The following DROSHA variants were observed in gnomAD, a reference collection of about 807,000 sequenced individuals.
DROSHA encodes the protein drosha ribonuclease III.
DROSHA carries 56 observed loss-of-function variants against 181.9 expected under a neutral mutation model. The observed-to-expected ratio is 0.31, with a 90% confidence interval of 0.25 to 0.38. DROSHA has a LOEUF of 0.38. Among genes scored for constraint, DROSHA ranks in the 10% least tolerant of loss-of-function variants. The pLI, the probability that DROSHA is intolerant of heterozygous loss-of-function variation, is 1.00. For synonymous variants in DROSHA, 524 were observed against 591.2 expected (o/e 0.89, Z 1.65); for missense variants, 1,218 against 1,743.5 (o/e 0.70, Z 5.37).
rs184690869 is a variant in DROSHA, at chr5:31,423,498, G to A, written c.3262-554C>T. ...CTAGGGACCAACTTATTTTGGCAAT[G>A]AGCATCATTAAAACAGAGTTCAATG... On this transcript the variant is annotated intron_variant, in intron 28 of 35. Coordinates refer to ENST00000344624, the MANE Select transcript of DROSHA (RefSeq NM_001382508.1). 4.6e-5 allele frequency among the ~76,000 whole-genome samples: 7 copies of A among 152,302 alleles called. No homozygotes were observed. In the East Asian group the frequency reaches 1.2e-3, roughly 25 times the overall value.
At chr5:31,501,557 G>A (rs1186000567) in intron 11 of DROSHA, among the ~76,000 whole-genome samples, 1 of 152,036 alleles carries the variant, frequency 6.6e-6, no homozygotes, top group East Asian at 1.9e-4. Context: ...AGGATATAGG[G>A]GAGATGGTAC....
Position 31,409,389 on chromosome 5 carries a change from A to C in DROSHA, c.3668-57T>G. The C allele has an allele frequency of 6.6e-7, 1 of 1,524,042 alleles. No individual in the cohort carries two copies. 94.4% of individuals were successfully genotyped at this position (1,524,042 alleles called of 1,614,324 possible). Reference sequence around the variant, plus strand: ...ACAATCACTGCCATCTATCAGAAAGAGTAAGAGACCTAGACCTTTAAGCAA... The same window carrying C: ...ACAATCACTGCCATCTATCAGAAAGCGTAAGAGACCTAGACCTTTAAGCAA... On this transcript the variant is annotated intron_variant, in intron 31 of 35. Coordinates refer to ENST00000344624, the MANE Select transcript of DROSHA (RefSeq NM_001382508.1). This position sits in a 1 kb window ranked among gnomAD's most constrained non-coding sequence, Gnocchi z 4.0.
chr5:31,519,308 C>T lies in DROSHA; in HGVS notation c.947+1815G>A, dbSNP rs1384923074. Among the ~76,000 whole-genome samples the T allele has an allele frequency of 2.0e-5, 3 of 152,086 alleles. 1 individual carries two copies. Among genetic ancestry groups the T allele is most frequent in the Non-Finnish European group, 4.4e-5 (3 of 68,006 alleles). ...TACTCTGGCTTTTCTCCTGTCTCCT[C>T]TCCTCCTCCTCAGGCCCTCTTGTCA... On this transcript the variant is annotated intron_variant, in intron 6 of 35. Transcript: ENST00000344624.
chr5:31,450,679 G>GTT (rs1746874019), intron 21 of DROSHA, among the ~76,000 whole-genome samples: 1 of 152,066 alleles, frequency 6.6e-6, no homozygotes, highest in Non-Finnish European at 1.5e-5. Context: ...AGACTCAGAT[G>GTT]GGGAGTGTTG....
intron 20 of DROSHA, among the ~76,000 whole-genome samples, chr5:31,462,104 C>T (rs576660991): frequency 1.1e-4 from 17 of 152,192 alleles, no homozygotes; most frequent in South Asian, 2.1e-4. Context: ...CCTTCTCTTC[C>T]GCTTCTATGG....
At chr5:31,458,441 G>C (rs1747936403) in intron 20 of DROSHA, among the ~76,000 whole-genome samples, 1 of 152,158 alleles carries the variant, frequency 6.6e-6, no homozygotes, top group Non-Finnish European at 1.5e-5. Context: ...TAGTTGATGA[G>C]GAAAAGATCC....
At chr5:31,522,218 G>T (rs1339458966) in intron 5 of DROSHA, among the ~76,000 whole-genome samples, 1 of 152,106 alleles carries the variant, frequency 6.6e-6, no homozygotes, top group Non-Finnish European at 1.5e-5. Context: ...ACAATCCTCA[G>T]ATATATACCA....
intron 27 of DROSHA, among the ~76,000 whole-genome samples, chr5:31,428,487 C>T (rs1294026170): frequency 6.6e-6 from 1 of 152,022 alleles, no homozygotes; most frequent in African/African-American, 2.4e-5. Context: ...ATGTGCAGGA[C>T]AAAAATGGGG....
chr5:31,412,033 G>A (rs1358258374), intron 30 of DROSHA, among the ~76,000 whole-genome samples: 2 of 152,128 alleles, frequency 1.3e-5, no homozygotes, highest in Non-Finnish European at 2.9e-5. Context: ...AGACAGCTAA[G>A]AGTCCTCCAA....
rs538541518 is a variant in DROSHA, at chr5:31,482,981, A to T, written c.2071+573T>A. Among the ~76,000 whole-genome samples, 8 of 152,302 alleles carry T rather than the reference A, an allele frequency of 5.3e-5. No individual in the cohort carries two copies. In the East Asian group the frequency reaches 1.3e-3, roughly 26 times the overall value. On this transcript the variant is annotated intron_variant, in intron 16 of 35. Transcript: ENST00000344624. ...CCAAGCATTTTTAAAAACACTAAAT[A>T]TAATGCCAAATATTACAGGTGGATT...
intron 6 of DROSHA, among the ~76,000 whole-genome samples, chr5:31,515,847 GATATTA>G (rs1308551840): frequency 6.6e-6 from 1 of 151,306 alleles, no homozygotes; most frequent in African/African-American, 2.4e-5. Flanking sequence ...GGTCCTCACA[GATATTA>G]ATATTAACTC....
chr5:31,423,154 T>A, intron 28 of DROSHA: 1 of 479,944 alleles, frequency 2.1e-6, no homozygotes, highest in Non-Finnish European at 3.6e-6. Flanking sequence ...TTTCCAATCT[T>A]CTATCAAATT....
chr5:31,449,554 G>A (rs898578276), intron 21 of DROSHA, 135 bp from the exon 22 acceptor site: 54 of 930,410 alleles, frequency 5.8e-5, no homozygotes, highest in African/African-American at 5.0e-4. Flanking sequence ...ACAGTGAGAC[G>A]CCATCTCTAC....
intron 20 of DROSHA, among the ~76,000 whole-genome samples, chr5:31,456,050 T>G (rs1747619429): frequency 6.6e-6 from 1 of 152,154 alleles, no homozygotes; most frequent in Admixed American, 6.5e-5. Context: ...CCAGCCAAAC[T>G]GACCGTTAAA....
At chr5:31,508,543 A>G in intron 10 of DROSHA, 78 bp downstream of exon 10, 1 of 1,590,078 alleles carries the variant, frequency 6.3e-7, no homozygotes, top group Non-Finnish European at 8.6e-7. Context: ...ACTAGGCAAC[A>G]TGTATCTTCT....
intron 25 of DROSHA, among the ~76,000 whole-genome samples, chr5:31,434,028 T>C (rs909237944): frequency 4.6e-5 from 7 of 152,166 alleles, no homozygotes; most frequent in African/African-American, 1.4e-4. Flanking sequence ...AGAAGAAAGG[T>C]GGGACTGCCA....
chr5:31,449,691 C>T (rs1264241715), intron 21 of DROSHA, among the ~76,000 whole-genome samples: 2 of 152,144 alleles, frequency 1.3e-5, no homozygotes, highest in African/African-American at 2.4e-5. Context: ...CATGCCACTG[C>T]ACTCTAGCCT....
At chr5:31,510,531 AAG>A (rs1164439892) in intron 9 of DROSHA, among the ~76,000 whole-genome samples, 5 of 152,270 alleles carry the variant, frequency 3.3e-5, no homozygotes, top group Non-Finnish European at 7.3e-5. Context: ...TCCATTCTCA[AAG>A]ATCTCACAAC....
intron 24 of DROSHA, among the ~76,000 whole-genome samples, chr5:31,436,605 C>A (rs1744819484): frequency 6.6e-6 from 1 of 152,134 alleles, no homozygotes. Flanking sequence ...GTTGGCCAGG[C>A]TGGTCTTGAA....
Sources: allele counts gnomAD v4.1 joint callset (sites outside exome capture counted in the v4.1 genomes callset), GRCh38; gene constraint gnomAD v4.1.1; non-coding constraint Gnocchi (gnomAD v3.1); transcripts MANE v1.5; gene names NCBI Gene and HGNC (gene_info 2026-07-23, HGNC 2026-07-21).